B4GALT2: variants seen among roughly 807,000 people sequenced by gnomAD.
B4GALT2 encodes beta-1,4-galactosyltransferase 2.
Under a neutral mutation model 33.2 loss-of-function variants are expected in B4GALT2, and 18 were observed. The ratio of observed to expected loss-of-function variants is 0.54; its 90% CI spans 0.38 to 0.80. The LOEUF (loss-of-function observed/expected upper bound fraction) is 0.80. Ranked by LOEUF, B4GALT2 falls within the 30% of genes least tolerant of loss-of-function variation. The pLI is 0.00. For missense variants in B4GALT2, 404 were observed against 526.2 expected, an observed-to-expected ratio of 0.77 and a Z score of 2.27; for synonymous variants, 214 against 217.6, an observed-to-expected ratio of 0.98 and a Z score of 0.15.
chr1:43,990,435 C>T lies in B4GALT2; in HGVS notation c.1106C>T (p.Pro369Leu). 6.2e-7 allele frequency: 1 copy of T among 1,614,078 alleles called. No individual in the cohort carries two copies. The highest frequency in any genetic ancestry group is 8.5e-7 in the Non-Finnish European group (1 of 1,180,000). Reference protein sequence around the residue: ...TVDIGRPPSWPPRG With the variant: ...TVDIGRPPSWLPRG ...GACATTGGGCGGCCTCCGTCGTGGC[C>T]CCCTCGGGGCTGACACTAATGGACA... Residue 369 changes from proline (P) to leucine (L), a missense_variant, in exon 7 of 7, where the codon CCC becomes CTC. Pro to Leu is a moderately conservative substitution (Grantham distance 98). Transcript: ENST00000372324.
chr1:43,990,078 C>T (rs1326588268), intron 6 of B4GALT2, among the ~76,000 whole-genome samples: 5 of 152,130 alleles, frequency 3.3e-5, no homozygotes, highest in African/African-American at 1.2e-4. Context: ...TCTGCTTTGA[C>T]GTTAATGCTG....
chr1:43,987,449 T>C (rs188861347), intron 6 of B4GALT2, among the ~76,000 whole-genome samples: 277 of 152,290 alleles, frequency 1.8e-3, no homozygotes, highest in Admixed American at 4.2e-3. Flanking sequence ...GTTCACAAAC[T>C]GTGAACTCTC....
chr1:43,981,529 T>C lies in B4GALT2; in HGVS notation c.313+56T>C. 1 of 1,525,078 alleles carries C rather than the reference T, an allele frequency of 6.6e-7. No individual in the cohort carries two copies. The allele number at this position is 1,525,078 out of a possible 1,614,324, so 94.5% of individuals were successfully genotyped here. A position where few individuals can be genotyped will look rare whatever the true frequency, so the allele number is the denominator to read the frequency against. ...GGAAACAGGGTTTTATTGGTTTGACTAGAGAAATGGCATCTGGACCCAGGG... is the reference window on the plus strand; with the variant it reads ...GGAAACAGGGTTTTATTGGTTTGACCAGAGAAATGGCATCTGGACCCAGGG... On this transcript the variant is annotated intron_variant, in intron 2 of 6. Transcript: ENST00000372324. The surrounding 1 kb of genome is among the most constrained non-coding windows in gnomAD (Gnocchi z 8.1).
At position 43,980,991 on chromosome 1, in the gene B4GALT2, T is replaced by C. The variant is rs1215751820; in HGVS notation, c.-52-118T>C. 9 of 1,332,170 alleles carry C rather than the reference T, an allele frequency of 6.8e-6. No homozygotes were observed. The Admixed American group carries it at 1.7e-4, about 25-fold the overall frequency. The allele number at this position is 1,332,170 out of a possible 1,614,324, so 82.5% of individuals were successfully genotyped here. ...TTGAGTCTGTGAGTGTGAAAGGGTA[T>C]GAGCAGGTCAGTGTGAGGTGTGGCC... On this transcript the variant is annotated intron_variant, in intron 1 of 6. Transcript: ENST00000372324.
chr1:43,980,284 C>T (rs2085580372), intron 1 of B4GALT2: 2 of 436,752 alleles, frequency 4.6e-6, no homozygotes, highest in Non-Finnish European at 7.8e-6. Context: ...CTGTGCCCAT[C>T]TCCAGGCCCA....
intron 6 of B4GALT2, among the ~76,000 whole-genome samples, chr1:43,988,313 C>G (rs2085681915): frequency 6.7e-6 from 1 of 149,068 alleles, no homozygotes; most frequent in South Asian, 2.1e-4. Context: ...GAGCTCGAGA[C>G]CAGCCTGGCC....
chr1:43,981,302 C>A lies in B4GALT2; in HGVS notation c.142C>A (p.Arg48=). Residue 48 remains arginine, a synonymous_variant, in exon 2 of 7, where the codon CGA becomes AGA. Transcript: ENST00000372324. This position sits in a 1 kb window ranked among gnomAD's most constrained non-coding sequence, Gnocchi z 8.1. ...HLAFFSRFSA[R]GPAHALHPAA... ...GGCCTTCTTCAGCCGCTTCAGTGCCCGAGGCCCTGCCCATGCCCTCCACCC... is the reference window on the plus strand; with the variant it reads ...GGCCTTCTTCAGCCGCTTCAGTGCCAGAGGCCCTGCCCATGCCCTCCACCC... 6.2e-7 allele frequency: 1 copy of A among 1,604,580 alleles called. No homozygotes were observed. The highest frequency in any genetic ancestry group is 8.5e-7 in the Non-Finnish European group (1 of 1,179,888).
In B4GALT2 at chr1:43,981,556, T is replaced by C. The variant is rs895190513; in HGVS notation, c.313+83T>C. 21 of 1,519,284 alleles carry C rather than the reference T, an allele frequency of 1.4e-5. No homozygotes were observed. The highest frequency in any genetic ancestry group is 1.9e-5 in the Non-Finnish European group (21 of 1,132,746). The allele number at this position is 1,519,284 out of a possible 1,614,324, so 94.1% of individuals were successfully genotyped here. A position where few individuals can be genotyped will look rare whatever the true frequency, so the allele number is the denominator to read the frequency against. ...GAGAAATGGCATCTGGACCCAGGGG[T>C]GTGCCAGGGGTCCAGGTCTGTTGTA... On this transcript the variant is annotated intron_variant, in intron 2 of 6. Coordinates refer to ENST00000372324, the MANE Select transcript of B4GALT2 (RefSeq NM_003780.5). The surrounding 1 kb of genome is among the most constrained non-coding windows in gnomAD (Gnocchi z 8.1).
At position 43,982,752 on chromosome 1, in the gene B4GALT2, C is replaced by T. The variant is rs1255230230; in HGVS notation, c.549+828C>T. On this transcript the variant is annotated intron_variant, in intron 3 of 6. Coordinates refer to ENST00000372324, the MANE Select transcript of B4GALT2 (RefSeq NM_003780.5). This position sits in a 1 kb window ranked among gnomAD's most constrained non-coding sequence, Gnocchi z 4.3. ...GGAGGCATGCTGGCAGTAAGTCCAGCGCAAAAGTGACAGGGCACCATGTAA... is the reference window on the plus strand; with the variant it reads ...GGAGGCATGCTGGCAGTAAGTCCAGTGCAAAAGTGACAGGGCACCATGTAA... Among the ~76,000 whole-genome samples, 3 of 152,260 alleles carry T rather than the reference C, an allele frequency of 2.0e-5. No homozygotes were observed. Among genetic ancestry groups the T allele is most frequent in the South Asian group, 4.1e-4 (2 of 4,834 alleles).
Position 43,981,394 on chromosome 1 carries a change from G to A in B4GALT2, c.234G>A (p.Gly78=), listed in dbSNP as rs1223875918. The A allele has an allele frequency of 3.8e-6, 6 of 1,598,628 alleles. 1 individual carries two copies. The South Asian group carries it at 6.6e-5, about 18-fold the overall frequency. The stretch of plus-strand genomic sequence containing the variant: ...CCAACGCCACCGCCTCTAGCTCCGG[G>A]CTCCCTGAGGTCCCCAGTGCCCTGC... ...SRPNATASSS[G]LPEVPSALPG... is the part of the protein sequence containing the mutation. Residue 78 remains glycine, a synonymous_variant, in exon 2 of 7, where the codon GGG becomes GGA. Transcript: ENST00000372324. The surrounding 1 kb of genome is among the most constrained non-coding windows in gnomAD (Gnocchi z 8.1).
In B4GALT2 at chr1:43,982,300, G is replaced by A. The variant is rs965495983; in HGVS notation, c.549+376G>A. Among the ~76,000 whole-genome samples, 4 of 152,134 alleles carry A rather than the reference G, an allele frequency of 2.6e-5. No individual in the cohort carries two copies. Among genetic ancestry groups the A allele is most frequent in the African/African-American group, 7.2e-5 (3 of 41,434 alleles). On this transcript the variant is annotated intron_variant, in intron 3 of 6. Coordinates refer to ENST00000372324, the MANE Select transcript of B4GALT2 (RefSeq NM_003780.5). This position sits in a 1 kb window ranked among gnomAD's most constrained non-coding sequence, Gnocchi z 4.3. ...AGGTGCCAGCCACAGCTGAGGCCAG[G>A]GCACTCAGCTCAGCATCTTAAGGCC... is the stretch of plus-strand genomic sequence containing the variant.
rs1557652391 is a variant in B4GALT2, at chr1:43,985,600, A to T, written c.947A>T (p.His316Leu). ...ATGATCAAGCACGACCGCGACAAGC[A>T]TAACGAACCTAACCCTCAGAGGTGA... ...YRMIKHDRDKHNEPNPQRFTK... is the reference protein window; with the variant it reads ...YRMIKHDRDKLNEPNPQRFTK... Residue 316 changes from histidine (H) to leucine (L), a missense_variant, in exon 6 of 7, where the codon CAT becomes CTT. By Grantham distance (99) the His-to-Leu change is moderately conservative. Coordinates refer to ENST00000372324, the MANE Select transcript of B4GALT2 (RefSeq NM_003780.5). 1.2e-6 allele frequency: 2 copies of T among 1,614,018 alleles called. No individual in the cohort carries two copies. The highest frequency in any genetic ancestry group is 2.2e-5 in the East Asian group (1 of 44,854).
At position 43,981,499 on chromosome 1, in the gene B4GALT2, TG is replaced by T; in HGVS notation, c.313+27del. ...GTGAGCCTGGAGGGTAGGGCCTGCCTGTGGGGAAACAGGGTTTTATTGGTTT... is the reference window on the plus strand; with the variant it reads ...GTGAGCCTGGAGGGTAGGGCCTGCCTTGGGGAAACAGGGTTTTATTGGTTT... On this transcript the variant is annotated intron_variant, in intron 2 of 6. Transcript: ENST00000372324. This position sits in a 1 kb window ranked among gnomAD's most constrained non-coding sequence, Gnocchi z 8.1. 6.5e-7 allele frequency: 1 copy of T among 1,547,618 alleles called. No homozygotes were observed. The highest frequency in any genetic ancestry group is 1.2e-5 in the South Asian group (1 of 84,124).
Position 43,985,448 on chromosome 1 carries a change from G to GGA in B4GALT2, c.863+49_863+50insAG, listed in dbSNP as rs2085647541. On this transcript the variant is annotated intron_variant, in intron 5 of 6. Transcript: ENST00000372324. ...ATAGGCTGGGTGGGGGGGGGAGGGGGGGTGCAGACTGGGTGGGGTTCTTTG... is the reference window on the plus strand; with the variant it reads ...ATAGGCTGGGTGGGGGGGGGAGGGGGGAGGTGCAGACTGGGTGGGGTTCTTTG... The GGA allele has an allele frequency of 1.4e-5, 12 of 855,190 alleles. 1 individual carries two copies. Among genetic ancestry groups the GGA allele is most frequent in the Non-Finnish European group, 2.2e-5 (12 of 544,436 alleles). The allele number at this position is 855,190 out of a possible 1,614,324, so 53.0% of individuals were successfully genotyped here.
chr1:43,980,126 C>G, intron 1 of B4GALT2: 1 of 1,358,128 alleles, frequency 7.4e-7, no homozygotes, highest in Non-Finnish European at 9.6e-7. Context: ...GTGTGGGTGA[C>G]CAGCTGGGAC....
chr1:43,990,253 T>C (rs1210885701), intron 6 of B4GALT2, 45 bp from the exon 7 acceptor site: 1 of 1,602,902 alleles, frequency 6.2e-7, no homozygotes, highest in Middle Eastern at 1.7e-4. Context: ...TTATTTTTAG[T>C]TTACAGTTGT....
At chr1:43,990,211 G>T (rs891075175) in intron 6 of B4GALT2, 87 bp from the exon 7 acceptor site, 9 of 1,538,624 alleles carry the variant, frequency 5.8e-6, no homozygotes, top group African/African-American at 4.1e-5. Context: ...GCCAAAAGGG[G>T]GTCCATTTAG....
rs181568077 is a variant in B4GALT2 at position 43,983,327 on chromosome 1, G to T, written c.549+1403G>T. Among the ~76,000 whole-genome samples the T allele has an allele frequency of 2.2e-3, 332 of 152,340 alleles. 5 individuals are homozygous for T. Among genetic ancestry groups the T allele is most frequent in the Admixed American group, 0.02 (313 of 15,306 alleles). On this transcript the variant is annotated intron_variant, in intron 3 of 6. Coordinates refer to ENST00000372324, the MANE Select transcript of B4GALT2 (RefSeq NM_003780.5). ...GAAGCCAGCACTTCAGGGATGGAGGGAGAAAGAGGCCGCTACAGAGGCCGA... is the reference window on the plus strand; with the variant it reads ...GAAGCCAGCACTTCAGGGATGGAGGTAGAAAGAGGCCGCTACAGAGGCCGA...
At chr1:43,985,707 T>G in intron 6 of B4GALT2, 86 bp downstream of exon 6, 1 of 1,308,938 alleles carries the variant, frequency 7.6e-7, no homozygotes, top group Non-Finnish European at 1.1e-6. Context: ...CAATCCCTGA[T>G]CCCCCAGTGG....
Sources: gnomAD v4.1 joint callset for allele counts (sites outside exome capture counted in the v4.1 genomes callset) on GRCh38, gnomAD v4.1.1 for gene constraint, Gnocchi (gnomAD v3.1) non-coding constraint, MANE v1.5 for transcripts, NCBI Gene and HGNC (gene_info 2026-07-23, HGNC 2026-07-21) for gene names.